Variants in THSD7A observed in about 807,000 individuals in gnomAD.
THSD7A encodes the protein thrombospondin type 1 domain containing 7A.
Under a neutral mutation model 231.3 loss-of-function variants are expected in THSD7A, and 96 were observed. The ratio of observed to expected loss-of-function variants is 0.41; its 90% CI spans 0.35 to 0.49. THSD7A has a LOEUF of 0.49. THSD7A is among the 20% of genes least tolerant of loss of function. THSD7A has a pLI of 0.05. For synonymous variants in THSD7A, 940 were observed against 743.3 expected (o/e 1.26, Z -4.30); for missense variants, 2,290 against 2,070.2 (o/e 1.11, Z -2.06).
intron 1 of THSD7A, among the ~76,000 whole-genome samples, chr7:11,800,586 G>C (rs959957227): frequency 3.9e-5 from 6 of 152,108 alleles, no homozygotes; most frequent in African/African-American, 1.2e-4. Flanking sequence ...TAATAACATG[G>C]ATGTACATAT....
intron 6 of THSD7A, among the ~76,000 whole-genome samples, chr7:11,540,766 A>T (rs534647543): frequency 6.6e-6 from 1 of 152,240 alleles, no homozygotes; most frequent in Non-Finnish European, 1.5e-5. Flanking sequence ...TCAAGACAGT[A>T]TATTTTATCA....
intron 6 of THSD7A, among the ~76,000 whole-genome samples, chr7:11,530,308 C>T (rs886976472): frequency 6.6e-5 from 10 of 151,898 alleles, no homozygotes; most frequent in African/African-American, 1.9e-4. Flanking sequence ...ATGCTTTATT[C>T]GACATCTGGT....
intron 2 of THSD7A, among the ~76,000 whole-genome samples, chr7:11,625,011 A>G (rs550664699): frequency 3.9e-5 from 6 of 152,254 alleles, no homozygotes; most frequent in South Asian, 2.1e-4. Flanking sequence ...TATATCGTAT[A>G]TTGTATAAAA....
chr7:11,694,452 G>C (rs763566309), intron 1 of THSD7A, among the ~76,000 whole-genome samples: 4 of 151,498 alleles, frequency 2.6e-5, no homozygotes, highest in Non-Finnish European at 5.9e-5. Flanking sequence ...CTCCATTGTA[G>C]AGTTTCCAAC....
intron 22 of THSD7A, among the ~76,000 whole-genome samples, 172 bp from the exon 23 acceptor site, chr7:11,402,140 G>C (rs1018759189): frequency 1.3e-5 from 2 of 152,126 alleles, no homozygotes; most frequent in African/African-American, 4.8e-5. Flanking sequence ...GTATAACTTT[G>C]TATATGTATT....
intron 1 of THSD7A, among the ~76,000 whole-genome samples, chr7:11,693,322 A>G (rs1780291135): frequency 6.6e-6 from 1 of 151,544 alleles, no homozygotes; most frequent in South Asian, 2.1e-4. Flanking sequence ...AAGGTACTCT[A>G]AAACCAAGTA....
In THSD7A at chr7:11,686,242, T is replaced by G. The variant is rs2128140640; in HGVS notation, c.191-49281A>C. Reference sequence around the variant, plus strand: ...AAAAACTAACTGTTAGGTACTATATTCACTATTTGGGTGATAAGATCAATA... The same window carrying G: ...AAAAACTAACTGTTAGGTACTATATGCACTATTTGGGTGATAAGATCAATA... On this transcript the variant is annotated intron_variant, in intron 1 of 27. Coordinates refer to ENST00000423059, the MANE Select transcript of THSD7A (RefSeq NM_015204.3). Among the ~76,000 whole-genome samples, 3 of 151,888 alleles carry G rather than the reference T, an allele frequency of 2.0e-5. No homozygotes were observed. In the Middle Eastern group the frequency reaches 0.01, roughly 517 times the overall value.
At chr7:11,472,669 G>A (rs1256341029) in intron 8 of THSD7A, among the ~76,000 whole-genome samples, 1 of 152,118 alleles carries the variant, frequency 6.6e-6, no homozygotes, top group African/African-American at 2.4e-5. Context: ...CTGATTTAAT[G>A]CTGTTAATCC....
chr7:11,588,498 A>G (rs1481797890), intron 4 of THSD7A, among the ~76,000 whole-genome samples: 1 of 152,192 alleles, frequency 6.6e-6, no homozygotes, highest in Non-Finnish European at 1.5e-5. Context: ...ATATCTATTG[A>G]CCTTTGCTTT....
intron 1 of THSD7A, among the ~76,000 whole-genome samples, chr7:11,720,357 A>T (rs6460833): frequency 0.024 from 3,687 of 151,900 alleles, 162 homozygotes; most frequent in African/African-American, 0.085. Flanking sequence ...TACAATGTAC[A>T]TTCCATATGG....
At chr7:11,381,723 T>C (rs1009545026) in intron 24 of THSD7A, among the ~76,000 whole-genome samples, 2 of 152,182 alleles carry the variant, frequency 1.3e-5, no homozygotes, top group African/African-American at 4.8e-5. Flanking sequence ...TCTGGGTCCA[T>C]GTGCCTGAAA....
intron 2 of THSD7A, among the ~76,000 whole-genome samples, chr7:11,598,438 C>T (rs2128343460): frequency 6.6e-6 from 1 of 152,278 alleles, no homozygotes; most frequent in East Asian, 1.9e-4. Context: ...CCTGTCATCG[C>T]CCAGTGGGCC....
chr7:11,390,016 C>T (rs948830202), intron 23 of THSD7A, among the ~76,000 whole-genome samples: 10 of 152,262 alleles, frequency 6.6e-5, no homozygotes, highest in Middle Eastern at 3.4e-3. Flanking sequence ...TTGTGGGTAA[C>T]CTGACCTTTC....
intron 2 of THSD7A, among the ~76,000 whole-genome samples, chr7:11,615,188 C>A (rs1248159120): frequency 6.6e-6 from 1 of 152,160 alleles, no homozygotes; most frequent in Non-Finnish European, 1.5e-5. Context: ...CTGCGTGCAT[C>A]TTGGAAGGGA....
At chr7:11,628,386 GC>G (rs560436863) in intron 2 of THSD7A, among the ~76,000 whole-genome samples, 4 of 152,138 alleles carry the variant, frequency 2.6e-5, no homozygotes, top group Non-Finnish European at 4.4e-5. Flanking sequence ...AATTCTCAGT[GC>G]CTTTGCTCTT....
intron 23 of THSD7A, among the ~76,000 whole-genome samples, chr7:11,399,754 G>A (rs558231049): frequency 5.3e-5 from 8 of 152,110 alleles, no homozygotes; most frequent in African/African-American, 1.9e-4. Flanking sequence ...ACAGTGTGGC[G>A]ATTCCTCAAG....
At chr7:11,799,143 G>T (rs769500668) in intron 1 of THSD7A, among the ~76,000 whole-genome samples, 2 of 152,042 alleles carry the variant, frequency 1.3e-5, no homozygotes, top group Non-Finnish European at 2.9e-5. Flanking sequence ...GGATGGTCTC[G>T]ATCTCTTGAC....
rs556226099 is a variant in THSD7A at position 11,770,726 on chromosome 7, T to C, written c.190+61031A>G. Among the ~76,000 whole-genome samples the C allele has an allele frequency of 3.9e-5, 6 of 152,260 alleles. No homozygotes were observed. The East Asian group carries it at 9.6e-4, about 24-fold the overall frequency. ...AACTTCCATTACTTTGAGAAAACTA[T>C]GCAAAAAAATTAATGCTAAAGTAAG... On this transcript the variant is annotated intron_variant, in intron 1 of 27. Coordinates refer to ENST00000423059, the MANE Select transcript of THSD7A (RefSeq NM_015204.3).
At chr7:11,475,935 CTTTTTTTTTTT>C (rs553018024) in intron 7 of THSD7A, among the ~76,000 whole-genome samples, 1 of 110,770 alleles carries the variant, frequency 9.0e-6, no homozygotes, top group Non-Finnish European at 1.9e-5. Flanking sequence ...AAATACTTTC[CTTTTTTTTTTT>C]TTTTTTTTGC....
Sources: allele counts gnomAD v4.1 joint callset (sites outside exome capture counted in the v4.1 genomes callset), GRCh38; gene constraint gnomAD v4.1.1; transcripts MANE v1.5; gene names NCBI Gene and HGNC (gene_info 2026-07-23, HGNC 2026-07-21).